The following PEAK1 variants were observed in gnomAD, a reference collection of about 807,000 sequenced individuals.
The protein encoded by PEAK1 is pseudopodium enriched atypical kinase 1.
PEAK1 carries 54 observed loss-of-function variants against 124.7 expected under a neutral mutation model. The ratio of observed to expected loss-of-function variants is 0.43; its 90% CI spans 0.35 to 0.54. The LOEUF (loss-of-function observed/expected upper bound fraction) is 0.54, where lower values mean the gene tolerates loss of function less well. PEAK1 is among the 20% of genes least tolerant of loss of function. The pLI is 0.01. For missense variants in PEAK1, 2,046 were observed against 2,134.5 expected (o/e 0.96, Z 0.82); for synonymous variants, 719 against 760.0 (o/e 0.95, Z 0.89).
chr15:77,248,635 T>C (rs1374758361), intron 6 of PEAK1, among the ~76,000 whole-genome samples: 1 of 152,166 alleles, frequency 6.6e-6, no homozygotes, highest in Non-Finnish European at 1.5e-5. Flanking sequence ...ACTCACCAGA[T>C]ACTAAATATG....
At position 77,232,335 on chromosome 15, in the gene PEAK1, AC is replaced by A. The variant is rs2059942634; in HGVS notation, c.-115+20031del. On this transcript the variant is annotated intron_variant, in intron 6 of 9. Coordinates refer to ENST00000682557, the MANE Select transcript of PEAK1 (RefSeq NM_001385026.1). The stretch of plus-strand genomic sequence containing the variant: ...AGGAAACACACACACACACACACAC[AC>A]ACTGTGCCAACTGTGCTCACTTAAA... Among the ~76,000 whole-genome samples the A allele has an allele frequency of 5.9e-5, 9 of 152,188 alleles. No homozygotes were observed. In the South Asian group the frequency reaches 1.9e-3, roughly 32 times the overall value.
At chr15:77,164,788 A>G (rs2055951733) in intron 7 of PEAK1, among the ~76,000 whole-genome samples, 1 of 152,234 alleles carries the variant, frequency 6.6e-6, no homozygotes, top group African/African-American at 2.4e-5. Context: ...GATTCACTCT[A>G]AAGAATGGGG....
chr15:77,273,307 G>T (rs772311194), intron 5 of PEAK1, among the ~76,000 whole-genome samples: 5 of 152,106 alleles, frequency 3.3e-5, no homozygotes, highest in Non-Finnish European at 5.9e-5. Flanking sequence ...AGCCAAACTG[G>T]CAAAGAGGAA....
At chr15:77,288,930 A>C (rs1304604510) in intron 2 of PEAK1, among the ~76,000 whole-genome samples, 1 of 146,880 alleles carries the variant, frequency 6.8e-6, no homozygotes, top group Non-Finnish European at 1.5e-5. Context: ...TCCGTCTCAA[A>C]AAAAAAAAAA....
chr15:77,255,479 A>G (rs2061083418), intron 5 of PEAK1: 1 of 717,230 alleles, frequency 1.4e-6, no homozygotes, highest in Non-Finnish European at 1.7e-6. Context: ...CAATGTTACA[A>G]CGTTTTGGGA....
intron 6 of PEAK1, among the ~76,000 whole-genome samples, chr15:77,210,691 C>T (rs1408048722): frequency 6.6e-6 from 1 of 152,118 alleles, no homozygotes; most frequent in Non-Finnish European, 1.5e-5. Flanking sequence ...ATCAGACTGG[C>T]CAACATGGTG....
At chr15:77,383,505 C>A (rs1597533485) in intron 1 of PEAK1, among the ~76,000 whole-genome samples, 1 of 152,178 alleles carries the variant, frequency 6.6e-6, no homozygotes, top group African/African-American at 2.4e-5. Context: ...TGTCAGAACT[C>A]TGTTCAAAAT....
chr15:77,257,881 A>C (rs1025339808), intron 5 of PEAK1, among the ~76,000 whole-genome samples: 1 of 152,164 alleles, frequency 6.6e-6, no homozygotes, highest in Non-Finnish European at 1.5e-5. Context: ...TAAGTCTTTA[A>C]TCCATCTTGA....
At chr15:77,370,788 T>C (rs1419023036) in intron 1 of PEAK1, 3 of 955,242 alleles carry the variant, frequency 3.1e-6, no homozygotes, top group Non-Finnish European at 3.7e-6. Context: ...TCTCAACACT[T>C]TGGGAGGCTG....
At chr15:77,293,946 G>A (rs1434687314) in intron 2 of PEAK1, among the ~76,000 whole-genome samples, 1 of 152,110 alleles carries the variant, frequency 6.6e-6, no homozygotes, top group Admixed American at 6.6e-5. Context: ...TCAAGTCCAA[G>A]GCTCTTTCTA....
Position 77,182,218 on chromosome 15 carries a change from G to A in PEAK1, c.-114-178C>T, listed in dbSNP as rs1032316141. 3.3e-5 allele frequency among the ~76,000 whole-genome samples: 5 copies of A among 152,270 alleles called. 1 individual carries two copies. In the South Asian group the frequency reaches 1.0e-3, roughly 32 times the overall value. ...CCTTTAGCCAATCAGCATTTGGAAA[G>A]TGAGCTTTTTAACTATAATTTTATG... On this transcript the variant is annotated intron_variant, in intron 6 of 9. Transcript: ENST00000682557.
chr15:77,313,954 A>T (rs1248231107), intron 2 of PEAK1, among the ~76,000 whole-genome samples: 2 of 151,914 alleles, frequency 1.3e-5, no homozygotes, highest in East Asian at 3.9e-4. Context: ...AACCTGGCAA[A>T]CACTACCTTA....
chr15:77,278,234 C>T (rs940198150), intron 5 of PEAK1, among the ~76,000 whole-genome samples: 1 of 152,030 alleles, frequency 6.6e-6, no homozygotes, highest in Non-Finnish European at 1.5e-5. Context: ...TGATTAAGTA[C>T]ATTGTGATAT....
At chr15:77,338,979 T>C (rs924028381) in intron 2 of PEAK1, among the ~76,000 whole-genome samples, 2 of 152,118 alleles carry the variant, frequency 1.3e-5, no homozygotes, top group African/African-American at 4.8e-5. Flanking sequence ...CATGTAATGT[T>C]AAGATGAAAT....
intron 1 of PEAK1, among the ~76,000 whole-genome samples, chr15:77,387,151 T>C (rs2070022204): frequency 6.6e-6 from 1 of 152,146 alleles, no homozygotes. Context: ...AAAACTCCCA[T>C]TAAGGCCTGA....
At chr15:77,365,008 T>C (rs897984923) in intron 2 of PEAK1, among the ~76,000 whole-genome samples, 155 bp downstream of exon 2, 14 of 152,196 alleles carry the variant, frequency 9.2e-5, no homozygotes, top group African/African-American at 3.4e-4. Context: ...TAAACATGCT[T>C]AAAAGTAAGC....
intron 6 of PEAK1, among the ~76,000 whole-genome samples, chr15:77,240,305 A>AGC (rs2060296970): frequency 1.3e-5 from 2 of 152,108 alleles, no homozygotes; most frequent in Non-Finnish European, 2.9e-5. Context: ...GAGAAAAATT[A>AGC]TTTTCTCTTG....
chr15:77,392,923 C>G (rs1051568531), intron 1 of PEAK1, among the ~76,000 whole-genome samples: 1 of 152,208 alleles, frequency 6.6e-6, no homozygotes. Context: ...CTCCCTCCCC[C>G]ATCCTGTGTG....
intron 2 of PEAK1, among the ~76,000 whole-genome samples, chr15:77,354,397 C>A (rs2067381001): frequency 6.6e-6 from 1 of 152,208 alleles, no homozygotes; most frequent in African/African-American, 2.4e-5. Flanking sequence ...CAAGTTATCT[C>A]CTATCTGGAC....
Sources: gnomAD v4.1 joint callset for allele counts (sites outside exome capture counted in the v4.1 genomes callset) on GRCh38, gnomAD v4.1.1 for gene constraint, MANE v1.5 for transcripts, NCBI Gene and HGNC (gene_info 2026-07-23, HGNC 2026-07-21) for gene names.